HECW1: variants seen among roughly 807,000 people sequenced by gnomAD.
The protein encoded by HECW1 is HECT, C2 and WW domain containing E3 ubiquitin protein ligase 1.
In HECW1, 61 loss-of-function variants were observed where a neutral mutation model predicts 182.3. The ratio of observed to expected loss-of-function variants is 0.33; its 90% CI spans 0.27 to 0.41. The LOEUF (loss-of-function observed/expected upper bound fraction) is 0.41, where lower values mean the gene tolerates loss of function less well. HECW1 is among the 10% of genes least tolerant of loss of function. The pLI is 1.00. For missense variants in HECW1, 1,739 were observed against 2,108.9 expected (o/e 0.82, Z 3.44); for synonymous variants, 859 against 832.6 (o/e 1.03, Z -0.55).
At chr7:43,480,829 G>C (rs972862321) in intron 17 of HECW1, among the ~76,000 whole-genome samples, 7 of 152,028 alleles carry the variant, frequency 4.6e-5, no homozygotes, top group Non-Finnish European at 1.0e-4. Context: ...TCACCCTGCA[G>C]CCACCTCCTC....
In HECW1 at chr7:43,445,481, A is replaced by G. The variant is rs1288353361; in HGVS notation, c.2309A>G (p.Gln770Arg). The G allele has an allele frequency of 6.2e-7, 1 of 1,612,168 alleles. No homozygotes were observed. The highest frequency in any genetic ancestry group is 8.5e-7 in the Non-Finnish European group (1 of 1,179,344). The change falls in exon 11 of 30, where the codon CAA (glutamine) becomes CGA (arginine). Residue 770 changes from glutamine to arginine, a missense_variant. Physicochemically the swap from Gln to Arg is conservative, Grantham distance 43 (BLOSUM62 1). Transcript: ENST00000395891. ...TCCACGAACGGCGCTGGGCCGTGGC[A>G]AGACGAGCTGGCCGCCCCTAGCGGG... ...PESTNGAGPW[Q>R]DELAAPSGHV...
rs188415274 is a variant in HECW1 at position 43,551,594 on chromosome 7, T to A, written c.4396-628T>A. Among the ~76,000 whole-genome samples, 426 of 152,344 alleles carry A rather than the reference T, an allele frequency of 2.8e-3. 8 individuals are homozygous for A. Among genetic ancestry groups the A allele is most frequent in the Admixed American group, 0.025 (384 of 15,302 alleles). On this transcript the variant is annotated intron_variant, in intron 27 of 29. Coordinates refer to ENST00000395891, the MANE Select transcript of HECW1 (RefSeq NM_015052.5). ...ATCCAATATTATTTGAAAACTTCAA[T>A]GTGACTTAAGAAAGTCGAGTCAGAT...
intron 2 of HECW1, among the ~76,000 whole-genome samples, chr7:43,143,177 G>A (rs750326325): frequency 2.0e-5 from 3 of 152,134 alleles, no homozygotes; most frequent in African/African-American, 7.2e-5. Context: ...TACCATGTTG[G>A]CCAGACTGGT....
At chr7:43,193,539 G>A (rs773702909) in intron 2 of HECW1, among the ~76,000 whole-genome samples, 2 of 151,970 alleles carry the variant, frequency 1.3e-5, no homozygotes, top group South Asian at 2.1e-4. Flanking sequence ...CCACCACCAC[G>A]CCCAGCTAAT....
intron 2 of HECW1, among the ~76,000 whole-genome samples, chr7:43,213,727 G>A (rs1796204409): frequency 6.6e-6 from 1 of 152,068 alleles, no homozygotes; most frequent in Non-Finnish European, 1.5e-5. Context: ...TTACAGGCGT[G>A]AGCCACTGCG....
chr7:43,322,892 G>T (rs1423560197), intron 5 of HECW1, among the ~76,000 whole-genome samples: 1 of 152,156 alleles, frequency 6.6e-6, no homozygotes, highest in East Asian at 1.9e-4. Context: ...CCATTTTAAG[G>T]TCACAGTAAA....
chr7:43,195,266 T>C (rs1408815139), intron 2 of HECW1, among the ~76,000 whole-genome samples: 1 of 152,214 alleles, frequency 6.6e-6, no homozygotes, highest in Non-Finnish European at 1.5e-5. Context: ...AAGGGGAATA[T>C]AAACTTCGCA....
chr7:43,356,481 C>T (rs1244469165), intron 5 of HECW1, among the ~76,000 whole-genome samples: 1 of 152,176 alleles, frequency 6.6e-6, no homozygotes, highest in African/African-American at 2.4e-5. Context: ...ATACCCCACT[C>T]TCCATAATGG....
intron 13 of HECW1, among the ~76,000 whole-genome samples, chr7:43,461,128 G>A (rs7781407): frequency 0.19 from 28,914 of 152,168 alleles, 2,946 homozygotes; most frequent in South Asian, 0.23. Flanking sequence ...TCTTCTTACC[G>A]TTATTTCTCA....
At chr7:43,521,253 T>C (rs943855540) in intron 24 of HECW1, among the ~76,000 whole-genome samples, 3 of 152,128 alleles carry the variant, frequency 2.0e-5, no homozygotes, top group African/African-American at 4.8e-5. Context: ...AAGGCCCTTA[T>C]AAAAGGCCTT....
intron 8 of HECW1, among the ~76,000 whole-genome samples, chr7:43,419,269 G>A (rs1395339469): frequency 2.0e-5 from 3 of 152,142 alleles, no homozygotes; most frequent in Non-Finnish European, 2.9e-5. Flanking sequence ...GGCATTCAGG[G>A]CAAAGATCCC....
chr7:43,129,783 C>T (rs1020009652), intron 2 of HECW1, among the ~76,000 whole-genome samples: 4 of 152,104 alleles, frequency 2.6e-5, no homozygotes, highest in African/African-American at 9.6e-5. Flanking sequence ...CCAAAATCCA[C>T]AGATGCTCAA....
chr7:43,378,161 CATT>C (rs2074400164), intron 6 of HECW1, among the ~76,000 whole-genome samples: 1 of 152,200 alleles, frequency 6.6e-6, no homozygotes, highest in South Asian at 2.1e-4. Context: ...AAATTGTCAA[CATT>C]ATATTTTTGT....
intron 4 of HECW1, among the ~76,000 whole-genome samples, chr7:43,314,202 G>A (rs1234705776): frequency 6.6e-6 from 1 of 152,204 alleles, no homozygotes; most frequent in Non-Finnish European, 1.5e-5. Context: ...CACTGGAAGA[G>A]AAGCCTGTTT....
chr7:43,458,999 G>A (rs985241202), intron 13 of HECW1, among the ~76,000 whole-genome samples: 5 of 152,180 alleles, frequency 3.3e-5, no homozygotes, highest in Non-Finnish European at 4.4e-5. Flanking sequence ...CAGTGACCAT[G>A]TTCCAACTCA....
chr7:43,337,775 A>T (rs531542305), intron 5 of HECW1, among the ~76,000 whole-genome samples: 1 of 152,336 alleles, frequency 6.6e-6, no homozygotes, highest in South Asian at 2.1e-4. Flanking sequence ...TACAGACATT[A>T]TAGTTTCATG....
intron 5 of HECW1, among the ~76,000 whole-genome samples, chr7:43,347,509 C>G (rs1813837382): frequency 6.6e-6 from 1 of 151,946 alleles, no homozygotes; most frequent in African/African-American, 2.4e-5. Flanking sequence ...TTTGGATGCC[C>G]TTTATTTCTT....
chr7:43,429,209 G>A (rs2076453587), intron 8 of HECW1, among the ~76,000 whole-genome samples: 3 of 148,222 alleles, frequency 2.0e-5, no homozygotes, highest in African/African-American at 7.4e-5. Context: ...GAGAGATGGT[G>A]AAGGCTTGAT....
At chr7:43,129,530 T>G (rs1304307938) in intron 2 of HECW1, among the ~76,000 whole-genome samples, 1 of 152,220 alleles carries the variant, frequency 6.6e-6, no homozygotes, top group Non-Finnish European at 1.5e-5. Flanking sequence ...AAAATTTGTA[T>G]GATCCATTTT....
Sources: allele counts gnomAD v4.1 joint callset (sites outside exome capture counted in the v4.1 genomes callset), GRCh38; gene constraint gnomAD v4.1.1; transcripts MANE v1.5; gene names NCBI Gene and HGNC (gene_info 2026-07-23, HGNC 2026-07-21).